DLGAP2: variants seen among roughly 807,000 people sequenced by gnomAD.
DLGAP2 encodes the protein DLG associated protein 2.
DLGAP2 carries 26 observed loss-of-function variants against 100.3 expected under a neutral mutation model. The observed-to-expected ratio is 0.26, with a 90% CI of 0.19 to 0.36. DLGAP2 has a LOEUF of 0.36. Among genes scored for constraint, DLGAP2 ranks in the 10% least tolerant of loss-of-function variants. The pLI, the probability that DLGAP2 is intolerant of heterozygous loss-of-function variation, is 1.00. For missense variants in DLGAP2, 1,858 were observed against 1,453.2 expected (o/e 1.28, Z -4.53); for synonymous variants, 886 against 630.1 (o/e 1.41, Z -6.08).
intron 1 of DLGAP2, among the ~76,000 whole-genome samples, chr8:821,031 T>C (rs1296336786): frequency 6.6e-6 from 1 of 152,228 alleles, no homozygotes; most frequent in Admixed American, 6.5e-5. Context: ...AAAATGTACG[T>C]TAACTGCTTA....
At chr8:851,394 C>A (rs1797180546) in intron 1 of DLGAP2, among the ~76,000 whole-genome samples, 1 of 152,186 alleles carries the variant, frequency 6.6e-6, no homozygotes, top group Admixed American at 6.5e-5. Flanking sequence ...TGTTGTGTTA[C>A]CTGTGAGCGA....
chr8:750,663 A>T (rs1331903020), intron 1 of DLGAP2, among the ~76,000 whole-genome samples: 1 of 152,194 alleles, frequency 6.6e-6, no homozygotes, highest in Non-Finnish European at 1.5e-5. Context: ...CTTCCACGGC[A>T]CCTGGCCCAC....
At chr8:1,190,433 ATCTG>A in intron 2 of DLGAP2, among the ~76,000 whole-genome samples, 1 of 110,488 alleles carries the variant, frequency 9.1e-6, no homozygotes, top group East Asian at 2.4e-4. Context: ...CTGTTGGGGC[ATCTG>A]CTGTTGGAGT....
At chr8:1,173,149 C>T (rs1021705982) in intron 2 of DLGAP2, among the ~76,000 whole-genome samples, 1 of 152,222 alleles carries the variant, frequency 6.6e-6, no homozygotes, top group African/African-American at 2.4e-5. Flanking sequence ...AGGTCCACTC[C>T]AGACCCAGTT....
intron 3 of DLGAP2, among the ~76,000 whole-genome samples, chr8:1,359,281 C>T (rs1258890054): frequency 6.6e-6 from 1 of 152,218 alleles, no homozygotes; most frequent in Admixed American, 6.5e-5. Context: ...CTGGGAAGAC[C>T]CTGTCCTCAG....
chr8:1,595,809 C>G (rs925418288), intron 6 of DLGAP2, among the ~76,000 whole-genome samples: 5 of 151,822 alleles, frequency 3.3e-5, no homozygotes, highest in African/African-American at 9.7e-5. Context: ...ATTTAGTAGT[C>G]TGAACTAAGT....
intron 2 of DLGAP2, among the ~76,000 whole-genome samples, chr8:996,687 A>C (rs1479745134): frequency 1.3e-5 from 2 of 152,234 alleles, no homozygotes; most frequent in Admixed American, 6.5e-5. Flanking sequence ...CCATGGAATG[A>C]AACCCCCTCA....
intron 2 of DLGAP2, among the ~76,000 whole-genome samples, chr8:1,256,274 G>A (rs1356539072): frequency 1.4e-4 from 18 of 127,098 alleles, no homozygotes; most frequent in South Asian, 2.7e-4. Flanking sequence ...CCTGGGTGCT[G>A]TGTGTGTGTC....
intron 3 of DLGAP2, among the ~76,000 whole-genome samples, chr8:1,340,409 C>T (rs904297615): frequency 3.9e-5 from 6 of 152,106 alleles, no homozygotes; most frequent in Admixed American, 1.3e-4. Flanking sequence ...CATTAAAAAG[C>T]GGACAAACAA....
At chr8:829,890 T>G (rs897778450) in intron 1 of DLGAP2, among the ~76,000 whole-genome samples, 1 of 152,224 alleles carries the variant, frequency 6.6e-6, no homozygotes, top group Non-Finnish European at 1.5e-5. Context: ...CCCCATTACA[T>G]GCGCACACCT....
Position 976,366 on chromosome 8 carries a change from C to T in DLGAP2, c.73+68400C>T, listed in dbSNP as rs538666780. ...ATGGTTCAAGCGTGTAATCCTAGCA[C>T]TTTGGGAGATCGAGGCGGGCGGATC... is the stretch of plus-strand genomic sequence containing the variant. On this transcript the variant is annotated intron_variant, in intron 2 of 14. Coordinates refer to ENST00000637795, the MANE Select transcript of DLGAP2 (RefSeq NM_001346810.2). Among the ~76,000 whole-genome samples, 13 of 152,118 alleles carry T rather than the reference C, an allele frequency of 8.5e-5. No individual in the cohort carries two copies. The East Asian group carries it at 2.1e-3, about 25-fold the overall frequency.
At chr8:1,107,840 G>A (rs1308735433) in intron 2 of DLGAP2, among the ~76,000 whole-genome samples, 1 of 152,152 alleles carries the variant, frequency 6.6e-6, no homozygotes, top group Non-Finnish European at 1.5e-5. Flanking sequence ...GAGCCTTCCT[G>A]ACACCGAACC....
At chr8:1,046,407 C>T (rs1359972660) in intron 2 of DLGAP2, among the ~76,000 whole-genome samples, 1 of 152,124 alleles carries the variant, frequency 6.6e-6, no homozygotes, top group Non-Finnish European at 1.5e-5. Context: ...CTCCCATTTC[C>T]CCGGCTGCCG....
intron 2 of DLGAP2, among the ~76,000 whole-genome samples, chr8:1,253,197 G>C (rs998715368): frequency 2.0e-5 from 3 of 152,226 alleles, no homozygotes; most frequent in African/African-American, 4.8e-5. Flanking sequence ...GCTGAGCTTG[G>C]CTTCGTCCTG....
At chr8:1,031,261 A>T (rs1801963888) in intron 2 of DLGAP2, among the ~76,000 whole-genome samples, 1 of 152,140 alleles carries the variant, frequency 6.6e-6, no homozygotes, top group Non-Finnish European at 1.5e-5. Flanking sequence ...GAAGTTCAGG[A>T]TGGAGGAGAA....
chr8:825,541 C>G (rs973834841), intron 1 of DLGAP2, among the ~76,000 whole-genome samples: 1 of 152,198 alleles, frequency 6.6e-6, no homozygotes, highest in African/African-American at 2.4e-5. Flanking sequence ...TGAAGTTCAT[C>G]TTGTTCCCTT....
chr8:802,954 A>G (rs1796201003), intron 1 of DLGAP2, among the ~76,000 whole-genome samples: 1 of 152,208 alleles, frequency 6.6e-6, no homozygotes, highest in South Asian at 2.1e-4. Flanking sequence ...GGGTGGGGTC[A>G]AAAGAGGTAG....
Position 1,548,963 on chromosome 8 carries a change from C to T in DLGAP2, c.510C>T (p.Tyr170=), listed in dbSNP as rs202165145. ...CGCGGATGCACTACAGCTCGCACTACGACACGCGCGACGACTGCGCTGTGG... is the reference window on the plus strand; with the variant it reads ...CGCGGATGCACTACAGCTCGCACTATGACACGCGCGACGACTGCGCTGTGG... The part of the protein sequence containing the change: ...TFPRMHYSSH[Y]DTRDDCAVAH... Residue 170 remains tyrosine, a synonymous_variant, in exon 5 of 15, where the codon TAC becomes TAT. Coordinates refer to ENST00000637795, the MANE Select transcript of DLGAP2 (RefSeq NM_001346810.2). The T allele has an allele frequency of 5.4e-4, 868 of 1,598,936 alleles. 2 individuals are homozygous for T. In the African/African-American group the frequency reaches 0.01, roughly 19 times the overall value.
chr8:819,169 C>T lies in DLGAP2; in HGVS notation c.18+81344C>T, dbSNP rs185476824. ...AAATGTTAGCCAGTTGAATCTAGTT[C>T]GATGTTAAGTATGAGCGTAAGCTTT... On this transcript the variant is annotated intron_variant, in intron 1 of 14. Transcript: ENST00000637795. Among the ~76,000 whole-genome samples the T allele has an allele frequency of 2.0e-3, 305 of 152,132 alleles. 2 individuals carry two copies. Among genetic ancestry groups the T allele is most frequent in the Non-Finnish European group, 1.2e-3 (79 of 68,002 alleles).
Sources: allele counts gnomAD v4.1 joint callset (sites outside exome capture counted in the v4.1 genomes callset), GRCh38; gene constraint gnomAD v4.1.1; transcripts MANE v1.5; gene names NCBI Gene and HGNC (gene_info 2026-07-23, HGNC 2026-07-21).